Variants in BMPER observed in about 807,000 individuals in gnomAD.
BMPER encodes BMP binding endothelial regulator.
Under a neutral mutation model 87.3 loss-of-function variants are expected in BMPER, and 45 were observed. The observed-to-expected ratio is 0.52, with a 90% CI of 0.41 to 0.66. BMPER has a LOEUF of 0.66. Among genes scored for constraint, BMPER ranks in the 30% least tolerant of loss-of-function variants. The pLI is 0.00. For missense variants in BMPER, 784 were observed against 867.5 expected (o/e 0.90, Z 1.21); for synonymous variants, 326 against 316.2 (o/e 1.03, Z -0.33).
At chr7:34,022,731 G>A (rs1167794835) in intron 6 of BMPER, among the ~76,000 whole-genome samples, 1 of 150,548 alleles carries the variant, frequency 6.6e-6, no homozygotes, top group Admixed American at 6.6e-5. Context: ...AAAAGGAAGA[G>A]GAGAAGAGGC....
chr7:34,008,834 T>G (rs1053842246), intron 6 of BMPER, among the ~76,000 whole-genome samples: 4 of 151,958 alleles, frequency 2.6e-5, no homozygotes, highest in African/African-American at 9.7e-5. Flanking sequence ...TTGTTTACTT[T>G]TTTTCTTTTT....
At chr7:34,086,746 C>T (rs62449752) in intron 13 of BMPER, among the ~76,000 whole-genome samples, 1 of 152,166 alleles carries the variant, frequency 6.6e-6, no homozygotes, top group Non-Finnish European at 1.5e-5. Context: ...CCCTTCCACG[C>T]AAAGCAACTG....
At chr7:33,908,345 TG>T (rs1783872888) in intron 2 of BMPER, among the ~76,000 whole-genome samples, 2 of 152,216 alleles carry the variant, frequency 1.3e-5, no homozygotes, top group Admixed American at 6.5e-5. Context: ...ATAAATATAT[TG>T]TTTTCACTTC....
At chr7:33,991,396 A>G (rs1786213067) in intron 6 of BMPER, among the ~76,000 whole-genome samples, 1 of 151,878 alleles carries the variant, frequency 6.6e-6, no homozygotes, top group African/African-American at 2.4e-5. Context: ...TTTCTAGTTT[A>G]TTTGCGTAGA....
At chr7:34,015,549 A>G (rs997505996) in intron 6 of BMPER, among the ~76,000 whole-genome samples, 4 of 151,982 alleles carry the variant, frequency 2.6e-5, no homozygotes, top group African/African-American at 9.7e-5. Context: ...TGCCTGTGAC[A>G]GAGCTTCCAA....
At chr7:34,046,433 C>A (rs1308716993) in intron 7 of BMPER, 28 bp downstream of exon 7, 7 of 1,592,270 alleles carry the variant, frequency 4.4e-6, no homozygotes, top group Non-Finnish European at 6.0e-6. Context: ...GGTCAAAGAA[C>A]AATGTAATTT....
chr7:34,039,226 T>C (rs1787767030), intron 6 of BMPER, among the ~76,000 whole-genome samples: 1 of 152,152 alleles, frequency 6.6e-6, no homozygotes, highest in East Asian at 1.9e-4. Context: ...GCTTTAAGTC[T>C]TACTTACTGG....
chr7:34,059,634 C>G (rs1788380059), intron 10 of BMPER, among the ~76,000 whole-genome samples: 1 of 151,352 alleles, frequency 6.6e-6, no homozygotes, highest in African/African-American at 2.4e-5. Context: ...TCACACTTTC[C>G]CTTCTCGGGG....
chr7:33,918,656 A>G (rs995000199), intron 2 of BMPER, among the ~76,000 whole-genome samples: 18 of 152,246 alleles, frequency 1.2e-4, no homozygotes, highest in Admixed American at 3.3e-4. Flanking sequence ...GGGAGCCGCT[A>G]TGCCAAAACA....
At chr7:34,121,913 G>A (rs1340057754) in intron 13 of BMPER, among the ~76,000 whole-genome samples, 1 of 151,948 alleles carries the variant, frequency 6.6e-6, no homozygotes, top group African/African-American at 2.4e-5. Flanking sequence ...CTTGAACCAG[G>A]AGTTCAAGAG....
At chr7:33,936,680 T>C (rs1784611235) in intron 2 of BMPER, among the ~76,000 whole-genome samples, 1 of 152,220 alleles carries the variant, frequency 6.6e-6, no homozygotes, top group African/African-American at 2.4e-5. Context: ...GTTCACCACA[T>C]GTTCATTAGC....
At chr7:34,030,146 CAT>C (rs1023826155) in intron 6 of BMPER, among the ~76,000 whole-genome samples, 1 of 151,512 alleles carries the variant, frequency 6.6e-6, no homozygotes, top group Admixed American at 6.6e-5. Flanking sequence ...TATTTGATAT[CAT>C]ATATATATAG....
chr7:34,027,402 A>G (rs902630699), intron 6 of BMPER, among the ~76,000 whole-genome samples: 1 of 152,212 alleles, frequency 6.6e-6, no homozygotes, highest in Admixed American at 6.5e-5. Flanking sequence ...GAGAAAGAAA[A>G]ATGCCATTTT....
chr7:34,083,519 C>T (rs1789110198), intron 12 of BMPER, among the ~76,000 whole-genome samples: 1 of 152,078 alleles, frequency 6.6e-6, no homozygotes, highest in Non-Finnish European at 1.5e-5. Flanking sequence ...CAGTGATTTC[C>T]TTATGGGTCT....
At chr7:34,092,831 A>G (rs1359733234) in intron 13 of BMPER, among the ~76,000 whole-genome samples, 1 of 152,276 alleles carries the variant, frequency 6.6e-6, no homozygotes, top group South Asian at 2.1e-4. Context: ...ACATCATTTT[A>G]TCCAAGTCTA....
chr7:33,988,640 G>A (rs1786088107), intron 6 of BMPER, among the ~76,000 whole-genome samples: 1 of 151,748 alleles, frequency 6.6e-6, no homozygotes, highest in Non-Finnish European at 1.5e-5. Context: ...TATACTTTAA[G>A]TTTTAGGGTA....
rs1789331212 is a variant in BMPER at position 34,089,814 on chromosome 7, AT to A, written c.1745+3726del. On this transcript the variant is annotated intron_variant, in intron 13 of 14. Transcript: ENST00000649409. ...TGTCTATGGTTTATAACTCCTATTT[AT>A]TTTGGTCTTTTATTCAATTTAACAT... is the stretch of plus-strand genomic sequence containing the variant. 2.0e-5 allele frequency among the ~76,000 whole-genome samples: 3 copies of A among 152,102 alleles called. No individual in the cohort carries two copies. In the South Asian group the frequency reaches 6.2e-4, roughly 32 times the overall value.
At chr7:34,026,365 G>A (rs1444157647) in intron 6 of BMPER, among the ~76,000 whole-genome samples, 2 of 152,130 alleles carry the variant, frequency 1.3e-5, no homozygotes, top group African/African-American at 2.4e-5. Flanking sequence ...TTTCCTCTTC[G>A]TGGATCAACT....
chr7:34,103,938 A>G (rs1789751561), intron 13 of BMPER, among the ~76,000 whole-genome samples: 2 of 152,200 alleles, frequency 1.3e-5, no homozygotes, highest in African/African-American at 4.8e-5. Flanking sequence ...TTATTGGATC[A>G]AGTTCACACT....
Sources: gnomAD v4.1 joint callset for allele counts (sites outside exome capture counted in the v4.1 genomes callset) on GRCh38, gnomAD v4.1.1 for gene constraint, MANE v1.5 for transcripts, NCBI Gene and HGNC (gene_info 2026-07-23, HGNC 2026-07-21) for gene names.